Variants in TAFA1 observed in about 807,000 individuals in gnomAD.
The protein encoded by TAFA1 is TAFA chemokine like family member 1.
TAFA1 carries 4 observed loss-of-function variants against 18.5 expected under a neutral mutation model. The observed-to-expected ratio is 0.22, with a 90% CI of 0.11 to 0.49. TAFA1 has a LOEUF of 0.49. Ranked by LOEUF, TAFA1 falls within the 20% of genes least tolerant of loss-of-function variation. The pLI, the probability that TAFA1 is intolerant of heterozygous loss-of-function variation, is 0.98. For synonymous variants in TAFA1, 56 were observed against 55.2 expected (o/e 1.01, Z -0.06); for missense variants, 147 against 169.0 (o/e 0.87, Z 0.72).
At chr3:68,347,179 G>A (rs923270120) in intron 2 of TAFA1, among the ~76,000 whole-genome samples, 1 of 152,188 alleles carries the variant, frequency 6.6e-6, no homozygotes, top group African/African-American at 2.4e-5. Flanking sequence ...TTTTGCTATT[G>A]AGTTTCTGAA....
At chr3:68,122,834 A>G (rs998144425) in intron 2 of TAFA1, among the ~76,000 whole-genome samples, 8 of 150,030 alleles carry the variant, frequency 5.3e-5, no homozygotes, top group African/African-American at 9.7e-5. Context: ...GTGTGTGTGT[A>G]TGTGTGTATT....
intron 2 of TAFA1, among the ~76,000 whole-genome samples, chr3:68,266,438 C>G (rs2067548051): frequency 6.6e-6 from 1 of 152,152 alleles, no homozygotes; most frequent in Non-Finnish European, 1.5e-5. Context: ...AAATCTCTGA[C>G]ACCCCTTCAC....
At chr3:68,189,934 T>C (rs962560425) in intron 2 of TAFA1, among the ~76,000 whole-genome samples, 1 of 151,864 alleles carries the variant, frequency 6.6e-6, no homozygotes, top group African/African-American at 2.4e-5. Flanking sequence ...TAGTGAACTT[T>C]GAAGACCCAG....
intron 3 of TAFA1, 95 bp downstream of exon 3, chr3:68,417,515 A>G: frequency 1.7e-6 from 2 of 1,197,402 alleles, no homozygotes; most frequent in South Asian, 3.2e-5. Flanking sequence ...CAGATAATGA[A>G]CAAGGTGCAT....
At chr3:68,444,605 T>C (rs2071441644) in intron 3 of TAFA1, among the ~76,000 whole-genome samples, 1 of 152,002 alleles carries the variant, frequency 6.6e-6, no homozygotes, top group Non-Finnish European at 1.5e-5. Flanking sequence ...GCATGTAATA[T>C]AAAATGCTGC....
intron 2 of TAFA1, among the ~76,000 whole-genome samples, chr3:68,359,632 G>A (rs140044230): frequency 6.6e-6 from 1 of 152,038 alleles, no homozygotes; most frequent in East Asian, 1.9e-4. Context: ...AAAGATCACA[G>A]CCCTCCTGAC....
rs1272237075 is a variant in TAFA1, at chr3:68,254,129, GTATGTATC to G, written c.119-163147_119-163140del. On this transcript the variant is annotated intron_variant, in intron 2 of 4. Coordinates refer to ENST00000478136, the MANE Select transcript of TAFA1 (RefSeq NM_213609.4). ...TCTATGTATGTATGTATGTATGTAT[GTATGTATC>G]TATCTATCTATCTATCTATCTGTCT... 1.7e-4 allele frequency among the ~76,000 whole-genome samples: 21 copies of G among 120,340 alleles called. No homozygotes were observed. In the South Asian group the frequency reaches 4.4e-3, roughly 25 times the overall value. The allele number at this position is 120,340 out of a possible 152,430, so 78.9% of individuals were successfully genotyped here.
In TAFA1 at chr3:68,417,185, A is replaced by T. The variant is rs575132961; in HGVS notation, c.119-95A>T. ...CATGGAAACTGTTTCTATAATTTCA[A>T]TTACTTTCCTCAACCCCGCTACATG... On this transcript the variant is annotated intron_variant, in intron 2 of 4. Transcript: ENST00000478136. The T allele has an allele frequency of 1.4e-5, 13 of 945,212 alleles. No homozygotes were observed. In the African/African-American group the frequency reaches 2.0e-4, roughly 14 times the overall value. The allele number at this position is 945,212 out of a possible 1,614,324, so 58.6% of individuals were successfully genotyped here. A position where few individuals can be genotyped will look rare whatever the true frequency, so the allele number is the denominator to read the frequency against.
At chr3:68,162,303 AG>A (rs1369157082) in intron 2 of TAFA1, among the ~76,000 whole-genome samples, 1 of 152,190 alleles carries the variant, frequency 6.6e-6, no homozygotes, top group Non-Finnish European at 1.5e-5. Context: ...GGATGGTTTC[AG>A]GATGAAACTG....
chr3:68,318,423 A>G (rs2068640857), intron 2 of TAFA1, among the ~76,000 whole-genome samples: 1 of 152,196 alleles, frequency 6.6e-6, no homozygotes, highest in Non-Finnish European at 1.5e-5. Flanking sequence ...ACATTTATTA[A>G]TAGAATCATA....
In TAFA1 at chr3:68,006,737, C is replaced by T. The variant is rs1704365993; in HGVS notation, c.111C>T (p.His37=). The change falls in exon 2 of 5, where the codon CAC becomes CAT. Residue 37 remains histidine, a synonymous_variant. Transcript: ENST00000478136. ...ACACTTTCCAGCAGCATCACCTGCACAGACCAGGTAAGTCAGGAGCTGGCT... is the reference window on the plus strand; with the variant it reads ...ACACTTTCCAGCAGCATCACCTGCATAGACCAGGTAAGTCAGGAGCTGGCT... ...LQHTFQQHHL[H]RPEGGTCEVI... 6.2e-7 allele frequency: 1 copy of T among 1,612,454 alleles called. No individual in the cohort carries two copies. Among genetic ancestry groups the T allele is most frequent in the East Asian group, 2.2e-5 (1 of 44,876 alleles).
rs144273654 is a variant in TAFA1, at chr3:68,494,483, T to C, written c.260-44273T>C. Among the ~76,000 whole-genome samples the C allele has an allele frequency of 3.9e-5, 6 of 152,236 alleles. No homozygotes were observed. In the East Asian group the frequency reaches 1.2e-3, roughly 29 times the overall value. ...AAATTTCACAGCTGAAAAATATATA[T>C]CCCAATCTCCCTCACAGGCAGGTGT... On this transcript the variant is annotated intron_variant, in intron 3 of 4. Coordinates refer to ENST00000478136, the MANE Select transcript of TAFA1 (RefSeq NM_213609.4).
rs576094491 is a variant in TAFA1, at chr3:68,312,040, G to A, written c.119-105240G>A. ...ACAGGCTCAACACCGTGTGGAAGCT[G>A]CCAAGGCTTGCAGCTTCCACCCTCT... On this transcript the variant is annotated intron_variant, in intron 2 of 4. Coordinates refer to ENST00000478136, the MANE Select transcript of TAFA1 (RefSeq NM_213609.4). 3.5e-3 allele frequency among the ~76,000 whole-genome samples: 536 copies of A among 152,292 alleles called. 4 individuals carry two copies. The highest frequency in any genetic ancestry group is 0.012 in the African/African-American group (514 of 41,558).
chr3:68,435,658 A>G (rs2071255757), intron 3 of TAFA1, among the ~76,000 whole-genome samples: 1 of 152,194 alleles, frequency 6.6e-6, no homozygotes, highest in South Asian at 2.1e-4. Context: ...TTTTGCTGGC[A>G]AAAACTAGAG....
chr3:68,376,961 T>C (rs1180949761), intron 2 of TAFA1, among the ~76,000 whole-genome samples: 1 of 152,178 alleles, frequency 6.6e-6, no homozygotes, highest in Non-Finnish European at 1.5e-5. Flanking sequence ...CATGCTCCTC[T>C]CTCTTCTACC....
At chr3:68,296,959 A>C (rs2107289601) in intron 2 of TAFA1, among the ~76,000 whole-genome samples, 1 of 152,324 alleles carries the variant, frequency 6.6e-6, no homozygotes, top group Admixed American at 6.5e-5. Flanking sequence ...TCTATAATTG[A>C]ACTGAAACCC....
chr3:68,212,515 A>G (rs896572403), intron 2 of TAFA1, among the ~76,000 whole-genome samples: 9 of 151,986 alleles, frequency 5.9e-5, no homozygotes, highest in East Asian at 1.9e-4. Context: ...TGGCTTTCAA[A>G]TGAGACATCT....
intron 3 of TAFA1, among the ~76,000 whole-genome samples, chr3:68,441,576 T>C (rs566745576): frequency 9.2e-5 from 14 of 152,164 alleles, no homozygotes; most frequent in Non-Finnish European, 1.8e-4. Flanking sequence ...ATAAAGTGGG[T>C]TGTGCACACC....
At chr3:68,132,485 C>T (rs539988395) in intron 2 of TAFA1, among the ~76,000 whole-genome samples, 183 of 152,278 alleles carry the variant, frequency 1.2e-3, no homozygotes, top group South Asian at 2.7e-3. Flanking sequence ...CTAATTTACA[C>T]TCCCACCAAC....
Sources: gnomAD v4.1 joint callset for allele counts (sites outside exome capture counted in the v4.1 genomes callset) on GRCh38, gnomAD v4.1.1 for gene constraint, MANE v1.5 for transcripts, NCBI Gene and HGNC (gene_info 2026-07-23, HGNC 2026-07-21) for gene names.